Variants in USP53 observed in about 807,000 individuals in gnomAD.
USP53 encodes the protein ubiquitin carboxyl-terminal hydrolase 53.
A neutral mutation model predicts 94.9 loss-of-function variants in USP53; 71 were observed. That is an observed-to-expected ratio of 0.75 (90% CI 0.62 to 0.91). The LOEUF (loss-of-function observed/expected upper bound fraction) is 0.91. Among genes scored for constraint, USP53 ranks in the 40% least tolerant of loss-of-function variants. USP53 has a pLI of 0.00. For synonymous variants in USP53, 375 were observed against 422.7 expected, an observed-to-expected ratio of 0.89 and a Z score of 1.39; for missense variants, 1,173 against 1,281.0, an observed-to-expected ratio of 0.92 and a Z score of 1.29.
chr4:119,265,491 T>C (rs1186311722), intron 12 of USP53, among the ~76,000 whole-genome samples: 4 of 152,130 alleles, frequency 2.6e-5, no homozygotes, highest in Non-Finnish European at 5.9e-5. Context: ...GCCAACATGG[T>C]GAAACTCTGT....
chr4:119,252,990 T>G (rs895843306), intron 7 of USP53, among the ~76,000 whole-genome samples: 4 of 152,160 alleles, frequency 2.6e-5, no homozygotes, highest in African/African-American at 9.7e-5. Context: ...TTTTGTTAGT[T>G]ACCCAGTAGT....
At chr4:119,249,335 A>T (rs1748657947) in intron 7 of USP53, among the ~76,000 whole-genome samples, 4 of 152,112 alleles carry the variant, frequency 2.6e-5, no homozygotes, top group Admixed American at 2.6e-4. Context: ...CCAGGTTGAA[A>T]ATCACTGAGG....
chr4:119,274,023 C>T (rs1578539629), intron 17 of USP53, among the ~76,000 whole-genome samples: 1 of 143,906 alleles, frequency 6.9e-6, no homozygotes, highest in Non-Finnish European at 1.5e-5. Context: ...ATAACTATTG[C>T]TTTTGAAGTT....
At chr4:119,239,984 T>G in intron 5 of USP53, 81 bp downstream of exon 5, 2 of 1,249,530 alleles carry the variant, frequency 1.6e-6, no homozygotes, top group Non-Finnish European at 2.0e-6. Context: ...GCTCATAAAT[T>G]AAAAATAAAG....
intron 7 of USP53, among the ~76,000 whole-genome samples, chr4:119,250,019 G>T (rs896565182): frequency 6.6e-6 from 1 of 151,932 alleles, no homozygotes; most frequent in Non-Finnish European, 1.5e-5. Context: ...TCAGGTTAAC[G>T]CTTACTCTTC....
At chr4:119,247,554 T>C (rs1748417658) in intron 6 of USP53, among the ~76,000 whole-genome samples, 1 of 152,210 alleles carries the variant, frequency 6.6e-6, no homozygotes, top group African/African-American at 2.4e-5. Flanking sequence ...TTTTCTCTAC[T>C]GTACTTATCA....
At chr4:119,280,617 A>G (rs1753409059) in intron 17 of USP53, among the ~76,000 whole-genome samples, 2 of 152,224 alleles carry the variant, frequency 1.3e-5, no homozygotes, top group Admixed American at 1.3e-4. Flanking sequence ...TCATACTTGA[A>G]GGCTTTTAAA....
At chr4:119,238,687 A>G (rs112559673) in intron 4 of USP53, among the ~76,000 whole-genome samples, 13 of 152,342 alleles carry the variant, frequency 8.5e-5, no homozygotes, top group African/African-American at 3.1e-4. Context: ...ATGCTATAAA[A>G]CAAAGTATTC....
In USP53 at chr4:119,260,632, A is replaced by C. The variant is rs1190741149; in HGVS notation, c.801A>C (p.Ala267=). Residue 267 remains alanine (A), a synonymous_variant, in exon 11 of 19, where the codon GCA becomes GCC. Coordinates refer to ENST00000692078, the MANE Select transcript of USP53 (RefSeq NM_001371395.1). The part of the protein sequence containing the change: ...DLTEAVVRNL[A]THLYLPGLFY... The stretch of plus-strand genomic sequence containing the variant: ...CCGAAGCTGTTGTTCGGAATCTAGC[A>C]ACACATCTTTATCTTCCTGGGGTAT... 5 of 1,613,716 alleles carry C rather than the reference A, an allele frequency of 3.1e-6. No individual in the cohort carries two copies. In the East Asian group the frequency reaches 8.9e-5, roughly 29 times the overall value.
chr4:119,231,975 G>T (rs974953710), intron 3 of USP53, among the ~76,000 whole-genome samples: 3 of 152,228 alleles, frequency 2.0e-5, no homozygotes, highest in Non-Finnish European at 4.4e-5. Flanking sequence ...TGCAGTTTAG[G>T]TGCAGTGACC....
intron 1 of USP53, among the ~76,000 whole-genome samples, 154 bp downstream of exon 1, chr4:119,213,027 C>G (rs1408597897): frequency 6.6e-6 from 1 of 152,172 alleles, no homozygotes; most frequent in Non-Finnish European, 1.5e-5. Flanking sequence ...CACACACACA[C>G]TCTCTTTGCT....
intron 4 of USP53, among the ~76,000 whole-genome samples, chr4:119,238,003 A>G (rs1474226075): frequency 6.6e-6 from 1 of 152,226 alleles, no homozygotes; most frequent in Non-Finnish European, 1.5e-5. Context: ...GCTTAAAGGA[A>G]TGTTGTAACT....
At chr4:119,237,530 T>G (rs6841872) in intron 4 of USP53, among the ~76,000 whole-genome samples, 113,636 of 151,662 alleles carry the variant, frequency 0.75, 42,620 homozygotes, top group Non-Finnish European at 0.78. Flanking sequence ...TCGACACAAG[T>G]GTTTGAAAAA....
chr4:119,256,205 C>A, intron 7 of USP53, 41 bp from the exon 8 acceptor site: 2 of 1,483,932 alleles, frequency 1.3e-6, no homozygotes, highest in Non-Finnish European at 9.2e-7. Flanking sequence ...GTGTTCCCTG[C>A]AAGATCAACA....
chr4:119,221,297 A>C lies in USP53; in HGVS notation c.-665+3624A>C, dbSNP rs577008701. Reference sequence around the variant, plus strand: ...GAATTAGTATTAGTGGCAGGGGCACAGTGGCTCATACCTGTAATATCAGCA... The same window carrying C: ...GAATTAGTATTAGTGGCAGGGGCACCGTGGCTCATACCTGTAATATCAGCA... On this transcript the variant is annotated intron_variant, in intron 3 of 18. Coordinates refer to ENST00000692078, the MANE Select transcript of USP53 (RefSeq NM_001371395.1). 7 of 152,210 alleles carry C rather than the reference A, an allele frequency of 4.6e-5. No homozygotes were observed. In the South Asian group the frequency reaches 1.5e-3, roughly 32 times the overall value. 9.4% of individuals were successfully genotyped at this position (152,210 alleles called of 1,614,324 possible). A position where few individuals can be genotyped will look rare whatever the true frequency, so the allele number is the denominator to read the frequency against.
intron 7 of USP53, among the ~76,000 whole-genome samples, chr4:119,254,534 C>T (rs1749494339): frequency 6.6e-6 from 1 of 152,200 alleles, no homozygotes; most frequent in Non-Finnish European, 1.5e-5. Flanking sequence ...CTTGTGTATG[C>T]TTCACGAAGT....
At chr4:119,275,624 A>G (rs1174064898) in intron 17 of USP53, among the ~76,000 whole-genome samples, 2 of 151,610 alleles carry the variant, frequency 1.3e-5, no homozygotes, top group African/African-American at 4.8e-5. Flanking sequence ...GTTTTTTCCA[A>G]TTCTGTGAAG....
rs985045439 is a variant in USP53, at chr4:119,271,589, A to G, written c.1729A>G (p.Ser577Gly). The G allele has an allele frequency of 1.2e-6, 2 of 1,613,838 alleles. No individual in the cohort carries two copies. Among genetic ancestry groups the G allele is most frequent in the Non-Finnish European group, 1.7e-6 (2 of 1,180,038 alleles). ...TAGAGGAAACAGCTGTGATAGCAGC[A>G]GTAAAAGCCGGAACCGAGGTTGGAA... ...RDRGNSCDSS[S>G]KSRNRGWKPM... The change falls in exon 16 of 19, where the codon AGT becomes GGT. Residue 577 changes from serine to glycine, a missense_variant. Transcript: ENST00000692078.
chr4:119,279,750 G>A (rs185604277), intron 17 of USP53, among the ~76,000 whole-genome samples: 236 of 152,296 alleles, frequency 1.5e-3, no homozygotes, highest in Middle Eastern at 0.01. Context: ...AGCAGTCAGC[G>A]AGATTCCATG....
Sources: gnomAD v4.1 joint callset for allele counts (sites outside exome capture counted in the v4.1 genomes callset) on GRCh38, gnomAD v4.1.1 for gene constraint, MANE v1.5 for transcripts, NCBI Gene and HGNC (gene_info 2026-07-23, HGNC 2026-07-21) for gene names.